Variants in PCDH15 observed in about 807,000 individuals in gnomAD.
The protein encoded by PCDH15 is protocadherin-15.
Under a neutral mutation model 178.5 loss-of-function variants are expected in PCDH15, and 129 were observed. The observed-to-expected ratio is 0.72, with a 90% CI of 0.63 to 0.84. The LOEUF (loss-of-function observed/expected upper bound fraction) is 0.84, where lower values mean the gene tolerates loss of function less well. Ranked by LOEUF, PCDH15 falls within the 40% of genes least tolerant of loss-of-function variation. The pLI, the probability that PCDH15 is intolerant of heterozygous loss-of-function variation, is 0.00. For missense variants in PCDH15, 2,230 were observed against 2,099.9 expected, an observed-to-expected ratio of 1.06 and a Z score of -1.21; for synonymous variants, 800 against 732.0, an observed-to-expected ratio of 1.09 and a Z score of -1.50.
At chr10:54,160,597 T>A (rs1357655897) in intron 13 of PCDH15, among the ~76,000 whole-genome samples, 1 of 152,102 alleles carries the variant, frequency 6.6e-6, no homozygotes, top group East Asian at 1.9e-4. Context: ...ACCAAAAACA[T>A]AAGAACATGA....
chr10:55,378,000 T>C (rs540622665), intron 2 of PCDH15, among the ~76,000 whole-genome samples: 2 of 152,168 alleles, frequency 1.3e-5, no homozygotes, highest in South Asian at 4.2e-4. Flanking sequence ...AAGTGGGAGT[T>C]GAACAATGAG....
chr10:54,346,458 G>C lies in PCDH15; in HGVS notation c.501C>G (p.Phe167Leu). 3 of 1,613,716 alleles carry C rather than the reference G, an allele frequency of 1.9e-6. No individual in the cohort carries two copies. Among genetic ancestry groups the C allele is most frequent in the Non-Finnish European group, 2.5e-6 (3 of 1,179,892 alleles). The stretch of plus-strand genomic sequence containing the variant: ...CTCCATTGTCTCCTGAAAATCCTGT[G>C]AATATTGTGGTACCAACTGGAGTGA... ...NELTPVGTTI[F>L]TGFSGDNGAT... The change falls in exon 6 of 38, where the codon TTC (phenylalanine) becomes TTG (leucine). Residue 167 changes from phenylalanine (F) to leucine (L), a missense_variant. By Grantham distance (22) the Phe-to-Leu change is conservative. Transcript: ENST00000644397.
chr10:54,024,322 T>C (rs2093017698), intron 18 of PCDH15, among the ~76,000 whole-genome samples: 1 of 152,008 alleles, frequency 6.6e-6, no homozygotes, highest in Admixed American at 6.6e-5. Context: ...TGCCCCAAAC[T>C]GTCAACAAGG....
Position 53,805,809 on chromosome 10 carries a change from T to TGAGA in PCDH15, c.*766_*769dup, listed in dbSNP as rs1841112871. On this transcript the variant is annotated 3_prime_UTR_variant, in exon 38 of 38. Coordinates refer to ENST00000644397, the MANE Select transcript of PCDH15 (RefSeq NM_001384140.1). ...CTTCCCTAAAAGCTTTTGCTAAGGG[T>TGAGA]GAGATTTCCATGTTGCTCCAAACAA... 1 of 152,052 alleles carries TGAGA rather than the reference T, an allele frequency of 6.6e-6. No individual in the cohort carries two copies. Among genetic ancestry groups the TGAGA allele is most frequent in the Non-Finnish European group, 1.5e-5 (1 of 67,990 alleles). The allele number at this position is 152,052 out of a possible 1,614,324, so 9.4% of individuals were successfully genotyped here.
chr10:54,640,428 A>C (rs966593182), intron 2 of PCDH15, among the ~76,000 whole-genome samples: 3 of 152,092 alleles, frequency 2.0e-5, no homozygotes, highest in Non-Finnish European at 4.4e-5. Context: ...TGTTAAATAT[A>C]GCTTAGTAAA....
intron 1 of PCDH15, among the ~76,000 whole-genome samples, chr10:55,289,059 A>T (rs898760833): frequency 6.6e-6 from 1 of 152,056 alleles, no homozygotes; most frequent in Non-Finnish European, 1.5e-5. Flanking sequence ...AACATAAAGT[A>T]CCAATCAAAT....
chr10:54,070,873 T>G (rs2094227890), intron 17 of PCDH15, among the ~76,000 whole-genome samples: 1 of 152,200 alleles, frequency 6.6e-6, no homozygotes. Context: ...GTTATAGGTC[T>G]GAGCCGCGAT....
intron 2 of PCDH15, among the ~76,000 whole-genome samples, chr10:55,601,636 G>T (rs1346855615): frequency 6.6e-6 from 1 of 152,056 alleles, no homozygotes; most frequent in East Asian, 1.9e-4. Context: ...ATGATATAAA[G>T]AATAAAATTG....
At chr10:54,929,665 G>C (rs1260015976) in intron 2 of PCDH15, among the ~76,000 whole-genome samples, 2 of 152,144 alleles carry the variant, frequency 1.3e-5, no homozygotes, top group Non-Finnish European at 2.9e-5. Context: ...AAATAATTAG[G>C]AAGTTGCCAA....
chr10:54,617,205 A>G (rs1050747532), intron 2 of PCDH15, among the ~76,000 whole-genome samples: 83 of 152,054 alleles, frequency 5.5e-4, no homozygotes, highest in African/African-American at 2.0e-3. Context: ...TAAAAATATG[A>G]CTATTTGGTA....
intron 2 of PCDH15, among the ~76,000 whole-genome samples, chr10:54,648,923 T>C (rs2094193841): frequency 6.6e-6 from 1 of 152,146 alleles, no homozygotes; most frequent in Non-Finnish European, 1.5e-5. Context: ...GTGTTAACAA[T>C]GTTCTTTTAA....
At chr10:55,429,873 G>C (rs1012200530) in intron 2 of PCDH15, among the ~76,000 whole-genome samples, 4 of 152,008 alleles carry the variant, frequency 2.6e-5, no homozygotes, top group African/African-American at 9.7e-5. Flanking sequence ...TAAGTTTTCT[G>C]TTTACATTTA....
chr10:54,940,287 T>C (rs1029554219), intron 2 of PCDH15, among the ~76,000 whole-genome samples: 1 of 152,164 alleles, frequency 6.6e-6, no homozygotes, highest in Non-Finnish European at 1.5e-5. Flanking sequence ...TTCTCTTTGG[T>C]CCATTGATTG....
intron 17 of PCDH15, among the ~76,000 whole-genome samples, chr10:54,073,834 T>C (rs2094291754): frequency 1.3e-5 from 2 of 152,248 alleles, no homozygotes; most frequent in Admixed American, 1.3e-4. Flanking sequence ...CGCATATTTA[T>C]TTATATCTTT....
chr10:54,676,563 G>A (rs1023713383), intron 1 of PCDH15, among the ~76,000 whole-genome samples: 3 of 152,110 alleles, frequency 2.0e-5, no homozygotes, highest in African/African-American at 2.4e-5. Flanking sequence ...CAAAGCATAT[G>A]TGGAAATATA....
intron 2 of PCDH15, among the ~76,000 whole-genome samples, chr10:55,347,766 A>G (rs543785513): frequency 6.6e-6 from 1 of 152,300 alleles, no homozygotes; most frequent in Non-Finnish European, 1.5e-5. Flanking sequence ...AAACAAAATT[A>G]TTTAAGTCTG....
chr10:55,577,155 T>G (rs916234578), intron 2 of PCDH15, among the ~76,000 whole-genome samples: 1 of 152,002 alleles, frequency 6.6e-6, no homozygotes, highest in Non-Finnish European at 1.5e-5. Flanking sequence ...GGCAGAAAAA[T>G]TATTTGAACC....
intron 2 of PCDH15, among the ~76,000 whole-genome samples, chr10:55,588,535 T>C (rs1002942278): frequency 1.3e-5 from 2 of 152,102 alleles, no homozygotes; most frequent in Non-Finnish European, 2.9e-5. Context: ...GGTATGACAA[T>C]AACAATTTAA....
chr10:55,366,008 T>C (rs979787071), intron 2 of PCDH15: 2 of 152,164 alleles, frequency 1.3e-5, no homozygotes, highest in African/African-American at 4.8e-5. Context: ...GGATTTATCC[T>C]GTCAAGAGTC....
Sources: gnomAD v4.1 joint callset for allele counts (sites outside exome capture counted in the v4.1 genomes callset) on GRCh38, gnomAD v4.1.1 for gene constraint, MANE v1.5 for transcripts, NCBI Gene and HGNC (gene_info 2026-07-23, HGNC 2026-07-21) for gene names.